The following RPSA2 variants were observed in gnomAD, a reference collection of about 807,000 sequenced individuals.
The protein encoded by RPSA2 is ribosomal protein SA 2.
At chr19:23,787,382 C>T in the RPSA2 span, among the ~76,000 whole-genome samples, 2 of 151,586 alleles carry the variant, frequency 1.3e-5, no homozygotes, top group Non-Finnish European at 2.9e-5. Context: ...GGAAGTGGAT[C>T]ACAAGGTCAG....
chr19:23,832,658 C>A, the RPSA2 span: 1 of 1,475,952 alleles, frequency 6.8e-7, no homozygotes, highest in Non-Finnish European at 9.1e-7. Flanking sequence ...GGTGGCAAAG[C>A]ATTTCTATGG....
the RPSA2 span, among the ~76,000 whole-genome samples, chr19:23,803,451 GTTTTC>G: frequency 6.6e-6 from 1 of 152,104 alleles, no homozygotes; most frequent in Middle Eastern, 3.4e-3. Context: ...TTAGCAACTT[GTTTTC>G]TCTCCCTGCA....
the RPSA2 span, among the ~76,000 whole-genome samples, chr19:23,837,127 G>A: frequency 6.6e-6 from 1 of 152,108 alleles, no homozygotes; most frequent in African/African-American, 2.4e-5. Flanking sequence ...TTAGGTTTAA[G>A]TCCTTAATCC....
chr19:23,758,681 C>T, the RPSA2 span: 4 of 1,612,036 alleles, frequency 2.5e-6, no homozygotes, highest in Admixed American at 1.7e-5. Context: ...GAGCTGACTG[C>T]GGCGAGGTCT....
the RPSA2 span, among the ~76,000 whole-genome samples, chr19:23,810,293 C>G: frequency 6.7e-6 from 1 of 150,100 alleles, no homozygotes; most frequent in Admixed American, 6.7e-5. Context: ...ACTCGGGAGG[C>G]TGAGGCAGGA....
At chr19:23,864,560 A>G in the RPSA2 span, among the ~76,000 whole-genome samples, 1 of 152,156 alleles carries the variant, frequency 6.6e-6, no homozygotes, top group Non-Finnish European at 1.5e-5. Flanking sequence ...CATGGTCACC[A>G]CTATCCAGGA....
chr19:23,763,050 G>A, the RPSA2 span: 5 of 153,040 alleles, frequency 3.3e-5, no homozygotes, highest in African/African-American at 9.6e-5. Context: ...CACCTCGGTA[G>A]CCCCTGGTGA....
At chr19:23,767,076 C>T in the RPSA2 span, among the ~76,000 whole-genome samples, 1 of 152,004 alleles carries the variant, frequency 6.6e-6, no homozygotes, top group African/African-American at 2.4e-5. Context: ...CCTCAGCCTC[C>T]TGAGTAGACA....
the RPSA2 span, among the ~76,000 whole-genome samples, chr19:23,774,794 C>T: frequency 1.3e-5 from 2 of 152,148 alleles, no homozygotes; most frequent in African/African-American, 2.4e-5. Flanking sequence ...TGTCTGTGCC[C>T]TGATTTCAGG....
chr19:23,821,302 A>G, the RPSA2 span, among the ~76,000 whole-genome samples: 3 of 152,170 alleles, frequency 2.0e-5, no homozygotes, highest in Non-Finnish European at 4.4e-5. Context: ...AACTGCCTGG[A>G]TAAGTATGCC....
chr19:23,862,772 A>C, the RPSA2 span, among the ~76,000 whole-genome samples: 1 of 148,336 alleles, frequency 6.7e-6, no homozygotes, highest in Admixed American at 6.8e-5. Flanking sequence ...AAAAAAAAAA[A>C]CAGTCCTGGG....
the RPSA2 span, chr19:23,827,984 G>A: frequency 1.2e-6 from 1 of 833,648 alleles, no homozygotes; most frequent in Non-Finnish European, 2.0e-6. Context: ...TGCCACGGAA[G>A]ACTGGTCTGC....
At chr19:23,823,471 A>G in the RPSA2 span, among the ~76,000 whole-genome samples, 1 of 152,066 alleles carries the variant, frequency 6.6e-6, no homozygotes, top group Non-Finnish European at 1.5e-5. Context: ...ATACTAAGAG[A>G]GCTGTAGCCC....
chr19:23,828,926 C>T, the RPSA2 span, among the ~76,000 whole-genome samples: 2 of 132,712 alleles, frequency 1.5e-5, no homozygotes. Context: ...TACTTGGAAC[C>T]CTAATGTGAG....
the RPSA2 span, among the ~76,000 whole-genome samples, chr19:23,799,666 A>AGT: frequency 3.4e-5 from 2 of 58,114 alleles, 1 homozygote; most frequent in African/African-American, 1.2e-4. Flanking sequence ...GTCCTCAGGG[A>AGT]GGAGAGAGGT....
chr19:23,784,402 TTGAC>T, the RPSA2 span, among the ~76,000 whole-genome samples: 1 of 152,336 alleles, frequency 6.6e-6, no homozygotes, highest in South Asian at 2.1e-4. Context: ...AGTTGGAACT[TTGAC>T]TGTCATATGT....
chr19:23,852,392 CA>C, the RPSA2 span, among the ~76,000 whole-genome samples: 13 of 152,188 alleles, frequency 8.5e-5, no homozygotes, highest in Admixed American at 4.6e-4. Flanking sequence ...AGTGGGAAAT[CA>C]GGGGTCTCAC....
the RPSA2 span, among the ~76,000 whole-genome samples, chr19:23,853,315 C>T: frequency 3.7e-4 from 57 of 152,348 alleles, no homozygotes; most frequent in African/African-American, 1.2e-3. Context: ...TTAATTACAA[C>T]ATTAATGGCC....
At chr19:23,817,813 G>C in the RPSA2 span, 1 of 152,208 alleles carries the variant, frequency 6.6e-6, no homozygotes, top group Non-Finnish European at 1.5e-5. Context: ...AGCTTCACTG[G>C]AAGGGAAACA....
Sources: gnomAD v4.1 joint callset for allele counts (sites outside exome capture counted in the v4.1 genomes callset) on GRCh38, gnomAD v4.1.1 for gene constraint, MANE v1.5 for transcripts, NCBI Gene and HGNC (gene_info 2026-07-23, HGNC 2026-07-21) for gene names.